MSRA: variants seen among roughly 807,000 people sequenced by gnomAD.
The protein encoded by MSRA is methionine sulfoxide reductase A.
Under a neutral mutation model 31.3 loss-of-function variants are expected in MSRA, and 54 were observed. The ratio of observed to expected loss-of-function variants is 1.73; its 90% CI spans 1.39 to 2.17. The LOEUF is 2.17. Ranked by LOEUF, MSRA falls within the 30% of genes most tolerant of loss-of-function variation. The pLI, the probability that MSRA is intolerant of heterozygous loss-of-function variation, is 0.00. For missense variants in MSRA, 507 were observed against 300.9 expected, an observed-to-expected ratio of 1.69 and a Z score of -5.07; for synonymous variants, 169 against 116.5, an observed-to-expected ratio of 1.45 and a Z score of -2.90.
chr8:10,312,567 G>C lies in MSRA; in HGVS notation c.437-7316G>C, dbSNP rs559511582. On this transcript the variant is annotated intron_variant, in intron 4 of 5. Coordinates refer to ENST00000317173, the MANE Select transcript of MSRA (RefSeq NM_012331.5). ...CAGTCCATCTTATGATCCTTGCATA[G>C]TCTTGATACCAAAACTTAACTATGT... Among the ~76,000 whole-genome samples the C allele has an allele frequency of 3.3e-5, 5 of 152,286 alleles. No homozygotes were observed. The South Asian group carries it at 1.0e-3, about 32-fold the overall frequency.
At chr8:10,121,706 G>C (rs1030093000) in intron 1 of MSRA, among the ~76,000 whole-genome samples, 2 of 151,410 alleles carry the variant, frequency 1.3e-5, no homozygotes, top group African/African-American at 2.4e-5. Context: ...ATCTTGGTCT[G>C]TTTGCCTAGG....
chr8:10,189,417 C>G (rs889734975), intron 1 of MSRA, among the ~76,000 whole-genome samples: 3 of 152,192 alleles, frequency 2.0e-5, no homozygotes, highest in Non-Finnish European at 4.4e-5. Flanking sequence ...ACCCTAGCTT[C>G]ATTCCTAATT....
chr8:10,159,079 C>T (rs1189438782), intron 1 of MSRA, among the ~76,000 whole-genome samples: 2 of 152,170 alleles, frequency 1.3e-5, no homozygotes, highest in Non-Finnish European at 2.9e-5. Context: ...AGGCAGATTA[C>T]CAGATACCAG....
At chr8:10,184,075 G>A (rs1373003657) in intron 1 of MSRA, among the ~76,000 whole-genome samples, 1 of 151,742 alleles carries the variant, frequency 6.6e-6, no homozygotes, top group African/African-American at 2.4e-5. Flanking sequence ...GTGGTTTTTT[G>A]TTGGTGTTAT....
At chr8:10,185,917 A>G (rs1807005786) in intron 1 of MSRA, among the ~76,000 whole-genome samples, 1 of 152,104 alleles carries the variant, frequency 6.6e-6, no homozygotes, top group Non-Finnish European at 1.5e-5. Context: ...AGAGAAGGAA[A>G]GCACAACTCA....
intron 1 of MSRA, among the ~76,000 whole-genome samples, chr8:10,183,742 G>A (rs1806755921): frequency 6.6e-6 from 1 of 151,934 alleles, no homozygotes; most frequent in Non-Finnish European, 1.5e-5. Flanking sequence ...AGCTAAAGAG[G>A]ACGGTGTGGC....
chr8:10,091,444 A>G (rs1029639221), intron 1 of MSRA, among the ~76,000 whole-genome samples: 1 of 152,174 alleles, frequency 6.6e-6, no homozygotes, highest in African/African-American at 2.4e-5. Context: ...TTTACCATAT[A>G]TATTTTCCTC....
chr8:10,276,260 A>G (rs1294972049), intron 3 of MSRA, among the ~76,000 whole-genome samples: 1 of 152,202 alleles, frequency 6.6e-6, no homozygotes, highest in African/African-American at 2.4e-5. Context: ...GGCCGAGCAC[A>G]TGGTCGCAGT....
chr8:10,390,805 C>G (rs977038458), intron 5 of MSRA, among the ~76,000 whole-genome samples: 8 of 151,984 alleles, frequency 5.3e-5, no homozygotes, highest in African/African-American at 1.9e-4. Flanking sequence ...GAAACCCTGT[C>G]TCTACTAAAA....
chr8:10,237,031 G>A (rs977775821), intron 2 of MSRA, among the ~76,000 whole-genome samples: 7 of 152,156 alleles, frequency 4.6e-5, no homozygotes, highest in African/African-American at 1.4e-4. Context: ...ACTCACTGCG[G>A]GATTTTATTT....
chr8:10,343,020 TACAC>T (rs572591443), intron 5 of MSRA, among the ~76,000 whole-genome samples: 30,182 of 132,452 alleles, frequency 0.23, 3,165 homozygotes, highest in South Asian at 0.28. Flanking sequence ...GCATAAGCAT[TACAC>T]ACACACACAC....
chr8:10,376,856 A>G lies in MSRA; in HGVS notation c.544-51292A>G, dbSNP rs548612528. Among the ~76,000 whole-genome samples the G allele has an allele frequency of 2.0e-5, 3 of 152,356 alleles. No individual in the cohort carries two copies. In the South Asian group the frequency reaches 6.2e-4, roughly 32 times the overall value. On this transcript the variant is annotated intron_variant, in intron 5 of 5. Coordinates refer to ENST00000317173, the MANE Select transcript of MSRA (RefSeq NM_012331.5). ...AGCAAGTATTCCTGGGCATAGCCACAATAAATACGCAGGTGCCTTCTTTAC... is the reference window on the plus strand; with the variant it reads ...AGCAAGTATTCCTGGGCATAGCCACGATAAATACGCAGGTGCCTTCTTTAC...
At chr8:10,329,531 C>T (rs972116232) in intron 5 of MSRA, among the ~76,000 whole-genome samples, 1 of 152,228 alleles carries the variant, frequency 6.6e-6, no homozygotes, top group East Asian at 1.9e-4. Flanking sequence ...TATTTAGTTA[C>T]ATCTGTGAAA....
intron 1 of MSRA, among the ~76,000 whole-genome samples, chr8:10,074,058 CTTTTTT>C (rs534642712): frequency 1.1e-3 from 31 of 29,406 alleles, no homozygotes; most frequent in African/African-American, 2.7e-3. Flanking sequence ...AAGGGAGGTG[CTTTTTT>C]TTTTTTTTTT....
intron 3 of MSRA, among the ~76,000 whole-genome samples, chr8:10,254,893 G>A (rs1798097144): frequency 2.0e-5 from 3 of 152,244 alleles, no homozygotes; most frequent in African/African-American, 7.2e-5. Flanking sequence ...GCGTTTAGAT[G>A]GATGTGATCT....
chr8:10,343,139 A>G (rs921033539), intron 5 of MSRA, among the ~76,000 whole-genome samples: 2 of 152,150 alleles, frequency 1.3e-5, no homozygotes, highest in Non-Finnish European at 2.9e-5. Context: ...CACTACTTCT[A>G]GAAATCATGA....
chr8:10,400,309 TAAATC>T, intron 5 of MSRA, among the ~76,000 whole-genome samples: 1 of 150,496 alleles, frequency 6.6e-6, no homozygotes, highest in Non-Finnish European at 1.5e-5. Context: ...AAGAAAAAAA[TAAATC>T]AGAGAGAAGG....
At chr8:10,092,259 C>T (rs1253870735) in intron 1 of MSRA, among the ~76,000 whole-genome samples, 1 of 151,752 alleles carries the variant, frequency 6.6e-6, no homozygotes, top group Admixed American at 6.6e-5. Context: ...ACTTTTATTC[C>T]ATTGTGGTTG....
At chr8:10,288,524 G>A (rs1163593585) in intron 3 of MSRA, among the ~76,000 whole-genome samples, 3 of 152,160 alleles carry the variant, frequency 2.0e-5, no homozygotes, top group Non-Finnish European at 4.4e-5. Flanking sequence ...TTAAGATAAA[G>A]CTGTTGGACT....
Sources: gnomAD v4.1 joint callset for allele counts (sites outside exome capture counted in the v4.1 genomes callset) on GRCh38, gnomAD v4.1.1 for gene constraint, MANE v1.5 for transcripts, NCBI Gene and HGNC (gene_info 2026-07-23, HGNC 2026-07-21) for gene names.